The following ADAMTS9 variants were observed in gnomAD, a reference collection of about 807,000 sequenced individuals.
The protein encoded by ADAMTS9 is A disintegrin and metalloproteinase with thrombospondin motifs 9.
A neutral mutation model predicts 257.1 loss-of-function variants in ADAMTS9; 107 were observed. That is an observed-to-expected ratio of 0.42 (90% confidence interval 0.36 to 0.49). The LOEUF (loss-of-function observed/expected upper bound fraction) is 0.49, where lower values mean the gene tolerates loss of function less well. Among genes scored for constraint, ADAMTS9 ranks in the 20% least tolerant of loss-of-function variants. The pLI, the probability that ADAMTS9 is intolerant of heterozygous loss-of-function variation, is 0.03. For missense variants in ADAMTS9, 2,353 were observed against 2,469.1 expected (o/e 0.95, Z 1.00); for synonymous variants, 982 against 880.9 (o/e 1.11, Z -2.03).
chr3:64,536,448 T>G (rs1449298379), intron 37 of ADAMTS9, among the ~76,000 whole-genome samples: 1 of 152,198 alleles, frequency 6.6e-6, no homozygotes, highest in Non-Finnish European at 1.5e-5. Context: ...AGTTGGTCCG[T>G]AAAGGTTTGC....
chr3:64,600,690 A>C (rs912985002), intron 26 of ADAMTS9, among the ~76,000 whole-genome samples: 1 of 152,206 alleles, frequency 6.6e-6, no homozygotes, highest in African/African-American at 2.4e-5. Context: ...AGGCAAAGGA[A>C]GCCCAAAAGT....
chr3:64,520,327 A>G (rs1053601499), intron 39 of ADAMTS9, among the ~76,000 whole-genome samples: 2 of 152,222 alleles, frequency 1.3e-5, no homozygotes, highest in Admixed American at 1.3e-4. Context: ...ATGCTCATCT[A>G]TTGGAAGAAT....
At chr3:64,683,472 T>TA (rs1182141838) in intron 2 of ADAMTS9, among the ~76,000 whole-genome samples, 3 of 152,184 alleles carry the variant, frequency 2.0e-5, no homozygotes, top group Admixed American at 1.3e-4. Context: ...CGCTGCCACT[T>TA]ACGAGCTGTG....
Position 64,647,912 on chromosome 3 carries a change from C to T in ADAMTS9, c.1710+28G>A, listed in dbSNP as rs775359890. On this transcript the variant is annotated intron_variant, in intron 11 of 39. Coordinates refer to ENST00000498707, the MANE Select transcript of ADAMTS9 (RefSeq NM_182920.2). ...AATCTTGCACATTTCTGCCCTAAGA[C>T]AGAAGGACAGAACAGGGCATTACTT... 3.8e-6 allele frequency: 6 copies of T among 1,595,696 alleles called. No individual in the cohort carries two copies. In the South Asian group the frequency reaches 5.6e-5, roughly 15 times the overall value.
At chr3:64,533,116 C>A (rs373342915) in intron 38 of ADAMTS9, 50 bp downstream of exon 38, 254 of 1,519,520 alleles carry the variant, frequency 1.7e-4, no homozygotes, top group Non-Finnish European at 2.1e-4. Flanking sequence ...AAGACAAGAA[C>A]GAAAGAAAGA....
chr3:64,549,531 T>A (rs2083243750), intron 31 of ADAMTS9, among the ~76,000 whole-genome samples: 1 of 152,088 alleles, frequency 6.6e-6, no homozygotes, highest in South Asian at 2.1e-4. Context: ...CAAATCAATG[T>A]CGTAAAGATC....
chr3:64,663,370 T>C (rs1412582107), intron 3 of ADAMTS9, among the ~76,000 whole-genome samples: 1 of 151,898 alleles, frequency 6.6e-6, no homozygotes, highest in Non-Finnish European at 1.5e-5. Flanking sequence ...ATTTATTGGA[T>C]TTACTTAGAG....
intron 2 of ADAMTS9, chr3:64,685,028 C>T (rs1261423072): frequency 1.3e-5 from 2 of 152,200 alleles, no homozygotes; most frequent in East Asian, 1.9e-4. Context: ...GAGCTCTTGC[C>T]CTAGGTCCTG....
In ADAMTS9 at chr3:64,606,963, G is replaced by C. The variant is rs1266605319; in HGVS notation, c.3471C>G (p.Thr1157=). The part of the protein sequence containing the change: ...DCNAATRPTD[T]QDCELPSCHP... ...GAGTTGGACAAAGGAAACTTACCTG[G>C]GTATCAGTTGGTCTAGTTGCTGCAT... Residue 1157 remains threonine (T), a synonymous_variant, in exon 23 of 40, where the codon ACC becomes ACG. Transcript: ENST00000498707. The C allele has an allele frequency of 6.2e-7, 1 of 1,613,382 alleles. No homozygotes were observed. The highest frequency in any genetic ancestry group is 8.5e-7 in the Non-Finnish European group (1 of 1,179,638).
intron 38 of ADAMTS9, among the ~76,000 whole-genome samples, chr3:64,528,202 G>A (rs2082933202): frequency 6.6e-6 from 1 of 152,082 alleles, no homozygotes; most frequent in African/African-American, 2.4e-5. Context: ...CTTTCATGCT[G>A]CCTGTCTCTG....
rs775630448 is a variant in ADAMTS9, at chr3:64,603,925, G to A, written c.3744C>T (p.Ser1248=). Residue 1248 remains serine, a synonymous_variant, in exon 25 of 40, where the codon AGC becomes AGT. Transcript: ENST00000498707. ...PCGQWKALDW[S]SCSVTCGQGR... Reference sequence around the variant, plus strand: ...TCCAAATAATCCACTGGCTTACAGAGCTCCAGTCCAAGGCCTTCCATTGCC... The same window carrying A: ...TCCAAATAATCCACTGGCTTACAGAACTCCAGTCCAAGGCCTTCCATTGCC... The A allele has an allele frequency of 6.2e-7, 1 of 1,613,688 alleles. No homozygotes were observed. The highest frequency in any genetic ancestry group is 8.5e-7 in the Non-Finnish European group (1 of 1,179,868).
rs1374507520 is a variant in ADAMTS9, at chr3:64,686,186, TC to T, written c.516+381del. On this transcript the variant is annotated intron_variant, in intron 2 of 39. Coordinates refer to ENST00000498707, the MANE Select transcript of ADAMTS9 (RefSeq NM_182920.2). This position sits in a 1 kb window ranked among gnomAD's most constrained non-coding sequence, Gnocchi z 4.6. Reference sequence around the variant, plus strand: ...CAAGGCGCACCAATAAGGAGTCTGGTCCGCCCTGCGCTCAGCGGCTCCGCTC... The same window carrying T: ...CAAGGCGCACCAATAAGGAGTCTGGTCGCCCTGCGCTCAGCGGCTCCGCTC... Among the ~76,000 whole-genome samples, 1 of 152,208 alleles carries T rather than the reference TC, an allele frequency of 6.6e-6. No individual in the cohort carries two copies. Among genetic ancestry groups the T allele is most frequent in the East Asian group, 1.9e-4 (1 of 5,174 alleles).
chr3:64,567,078 C>T (rs1031882092), intron 29 of ADAMTS9, among the ~76,000 whole-genome samples: 5 of 152,138 alleles, frequency 3.3e-5, no homozygotes, highest in African/African-American at 1.2e-4. Flanking sequence ...AGGCATGAGG[C>T]CACTGCCCTG....
intron 10 of ADAMTS9, among the ~76,000 whole-genome samples, chr3:64,648,293 A>G (rs1358789454): frequency 1.3e-5 from 2 of 152,222 alleles, no homozygotes; most frequent in Non-Finnish European, 2.9e-5. Flanking sequence ...ACACAGCTGA[A>G]GGCCCTATGT....
At chr3:64,539,327 A>ATTGCTAC in intron 36 of ADAMTS9, 33 bp from the exon 37 acceptor site, 1 of 1,577,544 alleles carries the variant, frequency 6.3e-7, no homozygotes, top group Non-Finnish European at 8.7e-7. Context: ...AAGGCAGGGG[A>ATTGCTAC]AGGTAAGAGT....
chr3:64,668,960 C>T (rs1390044099), intron 3 of ADAMTS9, among the ~76,000 whole-genome samples: 2 of 152,138 alleles, frequency 1.3e-5, no homozygotes, highest in African/African-American at 4.8e-5. Flanking sequence ...GCACTGAGGA[C>T]TGGTTTATAA....
At chr3:64,664,193 C>T (rs927070806) in intron 3 of ADAMTS9, among the ~76,000 whole-genome samples, 51 of 152,080 alleles carry the variant, frequency 3.4e-4, no homozygotes, top group Admixed American at 1.0e-3. Flanking sequence ...TCCTGGAAAG[C>T]ACTGAAAAAA....
chr3:64,593,509 A>G (rs1441149719), intron 28 of ADAMTS9, among the ~76,000 whole-genome samples: 5 of 152,220 alleles, frequency 3.3e-5, no homozygotes, highest in African/African-American at 4.8e-5. Flanking sequence ...TTGTTTTGAC[A>G]CAGCTGATGC....
chr3:64,616,236 C>G, intron 19 of ADAMTS9, 66 bp from the exon 20 acceptor site: 1 of 1,533,684 alleles, frequency 6.5e-7, no homozygotes, highest in South Asian at 1.1e-5. Flanking sequence ...CTATAGTCAA[C>G]TGGTATTCAT....
Sources: allele counts gnomAD v4.1 joint callset (sites outside exome capture counted in the v4.1 genomes callset), GRCh38; gene constraint gnomAD v4.1.1; non-coding constraint Gnocchi (gnomAD v3.1); transcripts MANE v1.5; gene names NCBI Gene and HGNC (gene_info 2026-07-23, HGNC 2026-07-21).